VWC2: variants seen among roughly 807,000 people sequenced by gnomAD.
VWC2 encodes brorin.
A neutral mutation model predicts 29.8 loss-of-function variants in VWC2; 14 were observed. That is an observed-to-expected ratio of 0.47 (90% CI 0.31 to 0.74). VWC2 has a LOEUF of 0.74. VWC2 is among the 30% of genes least tolerant of loss of function. The pLI is 0.05. For missense variants in VWC2, 457 were observed against 459.8 expected, an observed-to-expected ratio of 0.99 and a Z score of 0.05; for synonymous variants, 213 against 199.0, an observed-to-expected ratio of 1.07 and a Z score of -0.59.
At chr7:49,832,876 A>G (rs1350993221) in intron 3 of VWC2, among the ~76,000 whole-genome samples, 1 of 152,220 alleles carries the variant, frequency 6.6e-6, no homozygotes, top group Non-Finnish European at 1.5e-5. Context: ...CAGGCACTTC[A>G]CTAGGCTCTA....
intron 3 of VWC2, among the ~76,000 whole-genome samples, chr7:49,836,638 CAATAAATAAATAAATAAATAAATA>C (rs3062195): frequency 1.4e-5 from 2 of 145,354 alleles, no homozygotes; most frequent in Admixed American, 6.9e-5. Flanking sequence ...GACTCCATCT[CAATAAATAAATAAATAAATAAATA>C]AATAAATAAA....
intron 3 of VWC2, among the ~76,000 whole-genome samples, chr7:49,854,616 C>T (rs1790339745): frequency 1.3e-5 from 2 of 152,188 alleles, no homozygotes; most frequent in East Asian, 1.9e-4. Context: ...GATATTAGCC[C>T]TTTGTCAGAT....
intron 3 of VWC2, among the ~76,000 whole-genome samples, chr7:49,834,926 T>C (rs548566178): frequency 1.3e-5 from 2 of 152,284 alleles, no homozygotes; most frequent in East Asian, 1.9e-4. Flanking sequence ...GGGGGAGATA[T>C]TGTCAACCTA....
rs182403646 is a variant in VWC2, at chr7:49,802,050, T to C, written c.697-661T>C. ...GGGATTCACCTACGTGGTGAGGGGATGGGCAAGAACTCAGCAGCAAGTTTT... is the reference window on the plus strand; with the variant it reads ...GGGATTCACCTACGTGGTGAGGGGACGGGCAAGAACTCAGCAGCAAGTTTT... On this transcript the variant is annotated intron_variant, in intron 2 of 3. Transcript: ENST00000340652. Among the ~76,000 whole-genome samples, 3 of 152,334 alleles carry C rather than the reference T, an allele frequency of 2.0e-5. No homozygotes were observed. In the East Asian group the frequency reaches 5.8e-4, roughly 29 times the overall value.
chr7:49,795,159 C>T (rs1788559003), intron 2 of VWC2, among the ~76,000 whole-genome samples: 1 of 152,112 alleles, frequency 6.6e-6, no homozygotes, highest in Non-Finnish European at 1.5e-5. Flanking sequence ...TTTGTGGGGC[C>T]TGTTCTTAGT....
intron 3 of VWC2, among the ~76,000 whole-genome samples, chr7:49,849,104 T>A (rs1469518851): frequency 6.6e-6 from 1 of 152,208 alleles, no homozygotes; most frequent in African/African-American, 2.4e-5. Flanking sequence ...TGTACTGTAT[T>A]TCTTATTTCT....
chr7:49,886,925 T>C (rs1791928859), intron 3 of VWC2, among the ~76,000 whole-genome samples: 1 of 152,178 alleles, frequency 6.6e-6, no homozygotes, highest in Admixed American at 6.5e-5. Context: ...TTATGGGTCC[T>C]TTTTAGTTAT....
At chr7:49,845,276 G>A (rs905833329) in intron 3 of VWC2, among the ~76,000 whole-genome samples, 2 of 150,410 alleles carry the variant, frequency 1.3e-5, no homozygotes, top group Admixed American at 6.6e-5. Flanking sequence ...ATGTACCCTG[G>A]AACTTAAAAG....
chr7:49,896,981 C>T (rs1176641249), intron 3 of VWC2, among the ~76,000 whole-genome samples: 7 of 149,312 alleles, frequency 4.7e-5, no homozygotes, highest in Non-Finnish European at 7.4e-5. Context: ...CTGCAAGCTC[C>T]GCTTCCCGGG....
Position 49,920,693 on chromosome 7 carries a change from T to C in VWC2, c.*8508T>C, listed in dbSNP as rs1250282792. 6.7e-6 allele frequency: 1 copy of C among 149,030 alleles called. No individual in the cohort carries two copies. The highest frequency in any genetic ancestry group is 1.5e-5 in the Non-Finnish European group (1 of 67,562). 9.2% of individuals were successfully genotyped at this position (149,030 alleles called of 1,614,324 possible). ...AAATATAGCATGAATAAAACACATATGTATTTAATTGTGTTATTTACTATT... is the reference window on the plus strand; with the variant it reads ...AAATATAGCATGAATAAAACACATACGTATTTAATTGTGTTATTTACTATT... On this transcript the variant is annotated 3_prime_UTR_variant, in exon 4 of 4. Coordinates refer to ENST00000340652, the MANE Select transcript of VWC2 (RefSeq NM_198570.5).
chr7:49,798,468 G>A (rs569096931), intron 2 of VWC2, among the ~76,000 whole-genome samples: 2 of 152,350 alleles, frequency 1.3e-5, no homozygotes, highest in South Asian at 4.1e-4. Context: ...GCTTCCATCT[G>A]CTCCTTGGCA....
At chr7:49,848,539 T>G (rs1239759034) in intron 3 of VWC2, among the ~76,000 whole-genome samples, 1 of 152,228 alleles carries the variant, frequency 6.6e-6, no homozygotes, top group Non-Finnish European at 1.5e-5. Context: ...CCTGTAGCTG[T>G]GGTCTGCTCT....
At chr7:49,832,356 A>T (rs1426526428) in intron 3 of VWC2, among the ~76,000 whole-genome samples, 1 of 152,070 alleles carries the variant, frequency 6.6e-6, no homozygotes, top group Non-Finnish European at 1.5e-5. Flanking sequence ...TGAGAAACAG[A>T]ATTTGCTGAG....
chr7:49,885,578 C>T (rs1274725742), intron 3 of VWC2, among the ~76,000 whole-genome samples: 1 of 152,152 alleles, frequency 6.6e-6, no homozygotes, highest in Admixed American at 6.5e-5. Flanking sequence ...ATTCAGTCTC[C>T]TAAACAGGGA....
intron 3 of VWC2, among the ~76,000 whole-genome samples, chr7:49,838,225 T>C (rs1208777999): frequency 1.3e-5 from 2 of 152,232 alleles, no homozygotes; most frequent in Admixed American, 6.5e-5. Context: ...AAGTACATGC[T>C]GGGAGCACAC....
intron 3 of VWC2, among the ~76,000 whole-genome samples, chr7:49,906,278 C>CA (rs1793083313): frequency 6.6e-6 from 1 of 151,746 alleles, no homozygotes; most frequent in South Asian, 2.1e-4. Flanking sequence ...ATAATAAGGA[C>CA]AAAAAATTCA....
intron 2 of VWC2, among the ~76,000 whole-genome samples, chr7:49,792,477 G>A (rs1350176606): frequency 5.9e-5 from 9 of 152,298 alleles, no homozygotes; most frequent in Middle Eastern, 3.4e-3. Context: ...GTACCCCAGT[G>A]GGTTCAACAG....
At chr7:49,840,056 G>A (rs748961430) in intron 3 of VWC2, among the ~76,000 whole-genome samples, 7 of 152,164 alleles carry the variant, frequency 4.6e-5, no homozygotes, top group Non-Finnish European at 7.3e-5. Flanking sequence ...CCTGGCCCAC[G>A]GGCTGACCAG....
At chr7:49,843,692 C>A (rs780827023) in intron 3 of VWC2, among the ~76,000 whole-genome samples, 2 of 152,154 alleles carry the variant, frequency 1.3e-5, no homozygotes, top group Non-Finnish European at 2.9e-5. Flanking sequence ...TGGGGAGCAG[C>A]AACAGCTGAG....
Sources: gnomAD v4.1 joint callset for allele counts (sites outside exome capture counted in the v4.1 genomes callset) on GRCh38, gnomAD v4.1.1 for gene constraint, MANE v1.5 for transcripts, NCBI Gene and HGNC (gene_info 2026-07-23, HGNC 2026-07-21) for gene names.